Variants in MSH3 observed in about 807,000 individuals in gnomAD.
MSH3 encodes the protein mutS homolog 3.
Under a neutral mutation model 123.3 loss-of-function variants are expected in MSH3, and 106 were observed. The ratio of observed to expected loss-of-function variants is 0.86; its 90% confidence interval spans 0.73 to 1.01. The LOEUF is 1.01. MSH3 is among the 50% of genes least tolerant of loss of function. The pLI is 0.00. For synonymous variants in MSH3, 515 were observed against 481.4 expected (o/e 1.07, Z -0.91); for missense variants, 1,459 against 1,347.6 (o/e 1.08, Z -1.29).
At chr5:80,713,082 C>G (rs2112846439) in intron 8 of MSH3, among the ~76,000 whole-genome samples, 1 of 152,222 alleles carries the variant, frequency 6.6e-6, no homozygotes, top group Non-Finnish European at 1.5e-5. Context: ...TACTGTCCAC[C>G]TTTAACAAGG....
At position 80,755,808 on chromosome 5, in the gene MSH3, A is replaced by G. The variant is rs573729834; in HGVS notation, c.1764-5738A>G. On this transcript the variant is annotated intron_variant, in intron 12 of 23. Coordinates refer to ENST00000265081, the MANE Select transcript of MSH3 (RefSeq NM_002439.5). Reference sequence around the variant, plus strand: ...TGGGTCCATTTAAGTTAGAGATACCATAGTAACGTGAGACACTCAAAGGAC... The same window carrying G: ...TGGGTCCATTTAAGTTAGAGATACCGTAGTAACGTGAGACACTCAAAGGAC... 3.9e-5 allele frequency among the ~76,000 whole-genome samples: 6 copies of G among 152,290 alleles called. No individual in the cohort carries two copies. The East Asian group carries it at 9.7e-4, about 25-fold the overall frequency.
intron 8 of MSH3, among the ~76,000 whole-genome samples, chr5:80,696,599 A>C (rs836817): frequency 0.73 from 110,313 of 151,944 alleles, 40,185 homozygotes; most frequent in African/African-American, 0.81. Flanking sequence ...TCCCAAGTTC[A>C]CTAGCTGGTC....
chr5:80,665,440 A>G, intron 3 of MSH3, 77 bp downstream of exon 3: 1 of 1,056,000 alleles, frequency 9.5e-7, no homozygotes, highest in Non-Finnish European at 1.4e-6. Flanking sequence ...CTCTGAGGTC[A>G]TTCATGGCAA....
At chr5:80,851,402 T>G (rs1745827897) in intron 20 of MSH3, among the ~76,000 whole-genome samples, 1 of 152,186 alleles carries the variant, frequency 6.6e-6, no homozygotes, top group African/African-American at 2.4e-5. Flanking sequence ...AATATATATA[T>G]AGAATGTGAA....
chr5:80,826,307 C>T (rs1000171431), intron 20 of MSH3, among the ~76,000 whole-genome samples: 1 of 152,206 alleles, frequency 6.6e-6, no homozygotes, highest in African/African-American at 2.4e-5. Flanking sequence ...TTGTAAATCA[C>T]TTCAAATGCT....
At chr5:80,698,958 T>A (rs1401397129) in intron 8 of MSH3, among the ~76,000 whole-genome samples, 1 of 151,842 alleles carries the variant, frequency 6.6e-6, no homozygotes, top group Non-Finnish European at 1.5e-5. Context: ...AATAAAAATA[T>A]ACAAATAAAT....
chr5:80,835,837 C>A (rs778625705), intron 20 of MSH3, among the ~76,000 whole-genome samples: 1 of 152,012 alleles, frequency 6.6e-6, no homozygotes, highest in Non-Finnish European at 1.5e-5. Flanking sequence ...ATTACTTGAA[C>A]CCTGGAGGTA....
chr5:80,745,027 C>G (rs1345756535), intron 12 of MSH3, among the ~76,000 whole-genome samples: 1 of 152,062 alleles, frequency 6.6e-6, no homozygotes, highest in East Asian at 1.9e-4. Context: ...TGGAGAGGTG[C>G]CCAGGACCTG....
At chr5:80,784,218 A>AAAAAAAAAAAAAAAAAAAAAAAAAAAAAC (rs1744460407) in intron 17 of MSH3, among the ~76,000 whole-genome samples, 1 of 129,108 alleles carries the variant, frequency 7.7e-6, no homozygotes, top group Non-Finnish European at 1.6e-5. Flanking sequence ...GTCGCAAAAA[A>AAAAAAAAAAAAAAAAAAAAAAAAAAAAAC]AAAAAAAAAA....
intron 19 of MSH3, among the ~76,000 whole-genome samples, chr5:80,807,920 C>T (rs1744921427): frequency 6.6e-6 from 1 of 152,166 alleles, no homozygotes; most frequent in African/African-American, 2.4e-5. Context: ...GGAGAATGTG[C>T]AAACACAGTG....
chr5:80,665,013 A>T, intron 2 of MSH3, 130 bp from the exon 3 acceptor site: 1 of 687,798 alleles, frequency 1.5e-6, no homozygotes, highest in Non-Finnish European at 2.4e-6. Flanking sequence ...TTTTTAAAAA[A>T]ATCACATTAT....
chr5:80,765,258 G>T (rs184061810), intron 13 of MSH3, among the ~76,000 whole-genome samples: 329 of 152,242 alleles, frequency 2.2e-3, no homozygotes, highest in Admixed American at 6.1e-3. Context: ...ATCATAAGAG[G>T]TTAATATTCA....
At chr5:80,722,503 A>G (rs1751102374) in intron 8 of MSH3, among the ~76,000 whole-genome samples, 2 of 152,232 alleles carry the variant, frequency 1.3e-5, no homozygotes, top group Admixed American at 6.5e-5. Context: ...AATTTTCATT[A>G]TAGCAGCAGT....
At chr5:80,839,759 CAAT>C (rs1428371128) in intron 20 of MSH3, among the ~76,000 whole-genome samples, 2 of 152,064 alleles carry the variant, frequency 1.3e-5, no homozygotes, top group African/African-American at 4.8e-5. Flanking sequence ...AAAAGTGACA[CAAT>C]AAAATACTTT....
chr5:80,764,598 A>G (rs1317407384), intron 13 of MSH3, among the ~76,000 whole-genome samples: 5 of 151,626 alleles, frequency 3.3e-5, no homozygotes, highest in African/African-American at 1.2e-4. Context: ...CCTGGGTTCA[A>G]GAGATCCTCC....
In MSH3 at chr5:80,725,489, T is replaced by C. The variant is rs775403755; in HGVS notation, c.1377T>C (p.Asp459=). The change falls in exon 9 of 24, where the codon GAT becomes GAC. Residue 459 remains aspartate (D), a synonymous_variant. Transcript: ENST00000265081. ...ACAGAATTCGAGTCGAAAGGATGGA[T>C]AACATTTATTTTGAATACAGCCATG... ...QDDRIRVERM[D]NIYFEYSHAF... 3 of 1,614,052 alleles carry C rather than the reference T, an allele frequency of 1.9e-6. No homozygotes were observed. The highest frequency in any genetic ancestry group is 3.3e-5 in the Admixed American group (2 of 60,016).
intron 6 of MSH3, among the ~76,000 whole-genome samples, chr5:80,674,389 C>T (rs2112815464): frequency 6.6e-6 from 1 of 152,204 alleles, no homozygotes; most frequent in Non-Finnish European, 1.5e-5. Flanking sequence ...CTTGCTATAT[C>T]TGGGAGCTTT....
chr5:80,813,479 T>C (rs760770276), intron 19 of MSH3, 105 bp from the exon 20 acceptor site: 15 of 1,177,768 alleles, frequency 1.3e-5, no homozygotes, highest in Non-Finnish European at 1.9e-5. Context: ...ATATTTATGC[T>C]ACAAAGTAAT....
intron 19 of MSH3, among the ~76,000 whole-genome samples, chr5:80,797,319 T>C (rs975814605): frequency 6.6e-6 from 1 of 152,208 alleles, no homozygotes; most frequent in Non-Finnish European, 1.5e-5. Flanking sequence ...CTGTCACCTA[T>C]GTGTAATCCC....
Sources: gnomAD v4.1 joint callset for allele counts (sites outside exome capture counted in the v4.1 genomes callset) on GRCh38, gnomAD v4.1.1 for gene constraint, MANE v1.5 for transcripts, NCBI Gene and HGNC (gene_info 2026-07-23, HGNC 2026-07-21) for gene names.